The following TRIM24 variants were observed in gnomAD, a reference collection of about 807,000 sequenced individuals.
The protein encoded by TRIM24 is transcription intermediary factor 1-alpha.
Under a neutral mutation model 123.9 loss-of-function variants are expected in TRIM24, and 29 were observed. The observed-to-expected ratio is 0.23, with a 90% CI of 0.17 to 0.32. TRIM24 has a LOEUF of 0.32. Ranked by LOEUF, TRIM24 falls within the 10% of genes least tolerant of loss-of-function variation. The pLI is 1.00. For missense variants in TRIM24, 932 were observed against 1,295.3 expected, an observed-to-expected ratio of 0.72 and a Z score of 4.31; for synonymous variants, 456 against 461.1, an observed-to-expected ratio of 0.99 and a Z score of 0.14.
At chr7:138,541,037 CTA>C (rs1211207997) in intron 7 of TRIM24, among the ~76,000 whole-genome samples, 2 of 152,112 alleles carry the variant, frequency 1.3e-5, no homozygotes, top group African/African-American at 4.8e-5. Flanking sequence ...TGGGGTTTCC[CTA>C]TGTTTTCCAG....
intron 1 of TRIM24, among the ~76,000 whole-genome samples, chr7:138,485,467 T>C (rs143550759): frequency 1.3e-5 from 2 of 152,262 alleles, no homozygotes; most frequent in Non-Finnish European, 1.5e-5. Flanking sequence ...ACTCATCATT[T>C]ACATTAGGTA....
rs1434280446 is a variant in TRIM24 at position 138,460,987 on chromosome 7, C to T, written c.364+75C>T. 3 of 1,298,340 alleles carry T rather than the reference C, an allele frequency of 2.3e-6. No homozygotes were observed. In the East Asian group the frequency reaches 9.5e-5, roughly 41 times the overall value. 80.4% of individuals were successfully genotyped at this position (1,298,340 alleles called of 1,614,324 possible). A position where few individuals can be genotyped will look rare whatever the true frequency, so the allele number is the denominator to read the frequency against. Reference sequence around the variant, plus strand: ...GGGCGGGCGCCCTTGTGCGGCGCGACCCGCTGTCATGTCGCCGCCGCCCGG... The same window carrying T: ...GGGCGGGCGCCCTTGTGCGGCGCGATCCGCTGTCATGTCGCCGCCGCCCGG... On this transcript the variant is annotated intron_variant, in intron 1 of 18. Coordinates refer to ENST00000343526, the MANE Select transcript of TRIM24 (RefSeq NM_015905.3).
intron 8 of TRIM24, among the ~76,000 whole-genome samples, chr7:138,552,029 G>T (rs1278508404): frequency 2.0e-5 from 3 of 146,764 alleles, no homozygotes; most frequent in Admixed American, 6.8e-5. Flanking sequence ...TATAAATACA[G>T]TTTTTTTTTT....
chr7:138,552,011 C>T (rs1280953871), intron 8 of TRIM24, among the ~76,000 whole-genome samples: 2 of 152,088 alleles, frequency 1.3e-5, no homozygotes, highest in African/African-American at 4.8e-5. Flanking sequence ...TTAACTGCAT[C>T]TATGACTTAT....
At chr7:138,584,273 G>A (rs1797966544) in intron 18 of TRIM24, among the ~76,000 whole-genome samples, 1 of 152,248 alleles carries the variant, frequency 6.6e-6, no homozygotes, top group East Asian at 1.9e-4. Context: ...ATTCCCACCT[G>A]TATTTCTTAT....
chr7:138,485,069 T>C (rs35674497), intron 1 of TRIM24, among the ~76,000 whole-genome samples: 13,114 of 152,188 alleles, frequency 0.086, 753 homozygotes, highest in South Asian at 0.16. Flanking sequence ...GCCTTCCCTA[T>C]TTCTTTCTCT....
At chr7:138,566,144 G>A (rs974004168) in intron 9 of TRIM24, among the ~76,000 whole-genome samples, 4 of 152,018 alleles carry the variant, frequency 2.6e-5, no homozygotes, top group Non-Finnish European at 5.9e-5. Flanking sequence ...TTTTATTTCT[G>A]CTTCAGCCTC....
chr7:138,534,315 A>G (rs935249243), intron 6 of TRIM24, among the ~76,000 whole-genome samples: 1 of 152,062 alleles, frequency 6.6e-6, no homozygotes, highest in Non-Finnish European at 1.5e-5. Context: ...TAGGGTGTCA[A>G]TTTTAGATCT....
chr7:138,486,836 A>G (rs1795659186), intron 1 of TRIM24, among the ~76,000 whole-genome samples: 1 of 152,152 alleles, frequency 6.6e-6, no homozygotes, highest in South Asian at 2.1e-4. Flanking sequence ...TTATGGTTCC[A>G]TATGAACTTT....
chr7:138,555,084 T>G (rs1270755194), intron 9 of TRIM24, 118 bp downstream of exon 9: 5 of 1,094,230 alleles, frequency 4.6e-6, no homozygotes, highest in Non-Finnish European at 6.5e-6. Flanking sequence ...TTATAAAAAT[T>G]TATCACATTA....
intron 8 of TRIM24, among the ~76,000 whole-genome samples, chr7:138,553,484 A>G (rs1187186349): frequency 6.6e-6 from 1 of 152,228 alleles, no homozygotes; most frequent in Non-Finnish European, 1.5e-5. Context: ...TTTAGAATGC[A>G]TATGATTGGT....
chr7:138,462,485 C>T (rs1052260329), intron 1 of TRIM24, among the ~76,000 whole-genome samples: 4 of 151,394 alleles, frequency 2.6e-5, no homozygotes, highest in Admixed American at 1.3e-4. Flanking sequence ...GGACTACAGG[C>T]GCCCGCTACC....
intron 4 of TRIM24, among the ~76,000 whole-genome samples, chr7:138,520,636 T>C (rs1796487569): frequency 6.6e-6 from 1 of 152,040 alleles, no homozygotes; most frequent in South Asian, 2.1e-4. Flanking sequence ...GGTGCAGTGA[T>C]AGTGCCACTG....
chr7:138,474,270 C>T (rs1021625515), intron 1 of TRIM24, among the ~76,000 whole-genome samples: 3 of 151,860 alleles, frequency 2.0e-5, no homozygotes, highest in Non-Finnish European at 4.4e-5. Context: ...GGACTACAGG[C>T]GTCCGCTACT....
intron 2 of TRIM24, among the ~76,000 whole-genome samples, chr7:138,506,054 C>T (rs770988291): frequency 1.3e-5 from 2 of 152,208 alleles, no homozygotes; most frequent in African/African-American, 2.4e-5. Flanking sequence ...CTAGTAATCA[C>T]ATGGTTAATT....
At chr7:138,509,457 A>G (rs1333462483) in intron 2 of TRIM24, among the ~76,000 whole-genome samples, 1 of 150,916 alleles carries the variant, frequency 6.6e-6, no homozygotes, top group Non-Finnish European at 1.5e-5. Flanking sequence ...TAATCCCAAT[A>G]CTTTGTGAGG....
At chr7:138,570,208 A>C (rs955835849) in intron 10 of TRIM24, among the ~76,000 whole-genome samples, 59 of 152,160 alleles carry the variant, frequency 3.9e-4, no homozygotes, top group African/African-American at 1.2e-3. Flanking sequence ...TGGGCTCCCA[A>C]AGTGCTGCGA....
chr7:138,504,527 A>G (rs1193491897), intron 2 of TRIM24, 119 bp downstream of exon 2: 1 of 572,230 alleles, frequency 1.7e-6, no homozygotes, highest in Non-Finnish European at 2.8e-6. Context: ...AAGTGGCGCA[A>G]TCTCCGTTCA....
chr7:138,461,611 A>G (rs1192176119), intron 1 of TRIM24, among the ~76,000 whole-genome samples: 2 of 152,228 alleles, frequency 1.3e-5, no homozygotes, highest in Non-Finnish European at 2.9e-5. Flanking sequence ...TTTTATAGAT[A>G]AAGCTGGAAG....
Sources: allele counts gnomAD v4.1 joint callset (sites outside exome capture counted in the v4.1 genomes callset), GRCh38; gene constraint gnomAD v4.1.1; transcripts MANE v1.5; gene names NCBI Gene and HGNC (gene_info 2026-07-23, HGNC 2026-07-21).